Variants in DPP10 observed in about 807,000 individuals in gnomAD.
DPP10 encodes inactive dipeptidyl peptidase 10.
Under a neutral mutation model 120.9 loss-of-function variants are expected in DPP10, and 33 were observed. The observed-to-expected ratio is 0.27, with a 90% CI of 0.21 to 0.37. The LOEUF (loss-of-function observed/expected upper bound fraction) is 0.37. Ranked by LOEUF, DPP10 falls within the 10% of genes least tolerant of loss-of-function variation. DPP10 has a pLI of 1.00. For missense variants in DPP10, 816 were observed against 942.8 expected, an observed-to-expected ratio of 0.87 and a Z score of 1.76; for synonymous variants, 337 against 326.1, an observed-to-expected ratio of 1.03 and a Z score of -0.36.
At position 115,405,127 on chromosome 2, in the gene DPP10, G is replaced by A. The variant is rs551916476; in HGVS notation, c.271+61215G>A. Among the ~76,000 whole-genome samples, 4 of 152,202 alleles carry A rather than the reference G, an allele frequency of 2.6e-5. No individual in the cohort carries two copies. In the East Asian group the frequency reaches 7.7e-4, roughly 29 times the overall value. Reference sequence around the variant, plus strand: ...GTCCAAAGCTTCATCTGGGACTCAAGGCAAAGTCCTTCCAGCTATAAGCCT... The same window carrying A: ...GTCCAAAGCTTCATCTGGGACTCAAAGCAAAGTCCTTCCAGCTATAAGCCT... On this transcript the variant is annotated intron_variant, in intron 3 of 25. Transcript: ENST00000410059.
chr2:115,006,175 T>G (rs1200062119), intron 1 of DPP10, among the ~76,000 whole-genome samples: 14 of 151,996 alleles, frequency 9.2e-5, no homozygotes, highest in Admixed American at 3.9e-4. Flanking sequence ...GCTGAGAGAT[T>G]TTGTCACCAC....
At chr2:114,463,143 G>A (rs1245202272) in intron 1 of DPP10, among the ~76,000 whole-genome samples, 2 of 152,106 alleles carry the variant, frequency 1.3e-5, no homozygotes, top group African/African-American at 4.8e-5. Flanking sequence ...CCTCTCAGTG[G>A]ACAGAGCTAG....
At chr2:114,633,709 G>A (rs1010391242) in intron 1 of DPP10, among the ~76,000 whole-genome samples, 2 of 151,704 alleles carry the variant, frequency 1.3e-5, no homozygotes, top group African/African-American at 4.9e-5. Flanking sequence ...CGCCTCCTGA[G>A]TTGAAGCAAT....
intron 1 of DPP10, among the ~76,000 whole-genome samples, chr2:115,306,238 A>G (rs774895344): frequency 6.6e-6 from 1 of 151,996 alleles, no homozygotes; most frequent in Non-Finnish European, 1.5e-5. Context: ...GGCTTGCATA[A>G]CTAGGAGAAA....
Position 115,244,229 on chromosome 2 carries a change from TATATATATATAGAG to T in DPP10, c.61-65008_61-64995del, listed in dbSNP as rs1258526240. Among the ~76,000 whole-genome samples the T allele has an allele frequency of 6.0e-4, 23 of 38,256 alleles. 1 individual carries two copies. The highest frequency in any genetic ancestry group is 2.6e-3 in the African/African-American group (22 of 8,568). 25.1% of individuals were successfully genotyped at this position (38,256 alleles called of 152,430 possible). A position where few individuals can be genotyped will look rare whatever the true frequency, so the allele number is the denominator to read the frequency against. ...ATATATGTGTGTGTATATATATATA[TATATATATATAGAG>T]AGAGAGAGAGAGAGAGAGAGAGAGA... is the stretch of plus-strand genomic sequence containing the variant. On this transcript the variant is annotated intron_variant, in intron 1 of 25. Transcript: ENST00000410059.
chr2:114,788,086 T>A lies in DPP10; in HGVS notation c.60+345248T>A, dbSNP rs1365683794. 1.5e-4 allele frequency among the ~76,000 whole-genome samples: 23 copies of A among 152,126 alleles called. 1 individual carries two copies. Among genetic ancestry groups the A allele is most frequent in the Admixed American group, 1.5e-3 (23 of 15,256 alleles). The stretch of plus-strand genomic sequence containing the variant: ...AAGGTAGAAAGCCCTCCATATGTGT[T>A]TTCTATGTTCATATATACATATATG... On this transcript the variant is annotated intron_variant, in intron 1 of 25. Transcript: ENST00000410059.
chr2:115,818,975 C>G (rs770440077), intron 21 of DPP10, among the ~76,000 whole-genome samples: 9 of 152,176 alleles, frequency 5.9e-5, no homozygotes, highest in Non-Finnish European at 8.8e-5. Flanking sequence ...TAAAAGTTGA[C>G]TTTCTCACCA....
chr2:115,560,645 CCTT>C (rs2080588116), intron 5 of DPP10, among the ~76,000 whole-genome samples: 1 of 150,734 alleles, frequency 6.6e-6, no homozygotes, highest in Non-Finnish European at 1.5e-5. Context: ...GACAGGGTCT[CCTT>C]CTCTTGCCCA....
chr2:114,794,954 A>T (rs1269407584), intron 1 of DPP10, among the ~76,000 whole-genome samples: 5 of 152,228 alleles, frequency 3.3e-5, no homozygotes, highest in African/African-American at 1.2e-4. Flanking sequence ...ACTATTAATA[A>T]TCTAGAATTG....
chr2:115,371,640 C>T (rs997387934), intron 3 of DPP10, among the ~76,000 whole-genome samples: 1 of 151,912 alleles, frequency 6.6e-6, no homozygotes, highest in Non-Finnish European at 1.5e-5. Context: ...TTTTCTTTAG[C>T]ACAAACCCAA....
chr2:115,772,997 C>T (rs933628313), intron 13 of DPP10, among the ~76,000 whole-genome samples: 4 of 152,078 alleles, frequency 2.6e-5, no homozygotes, highest in South Asian at 2.1e-4. Context: ...TCACTTGGAA[C>T]GATTTTAAGT....
intron 1 of DPP10, among the ~76,000 whole-genome samples, chr2:114,501,564 G>T (rs1683184754): frequency 6.6e-6 from 1 of 152,148 alleles, no homozygotes; most frequent in South Asian, 2.1e-4. Flanking sequence ...TAGAGAGGCG[G>T]AGGAGTAACT....
intron 1 of DPP10, among the ~76,000 whole-genome samples, chr2:114,724,930 A>C (rs989162036): frequency 2.0e-5 from 3 of 152,206 alleles, no homozygotes; most frequent in Admixed American, 6.5e-5. Context: ...TTGCTATGCC[A>C]GCTGAGCTCT....
intron 1 of DPP10, among the ~76,000 whole-genome samples, chr2:115,085,757 T>C (rs1226260440): frequency 6.6e-6 from 1 of 152,208 alleles, no homozygotes; most frequent in Non-Finnish European, 1.5e-5. Flanking sequence ...CAAACTGTTT[T>C]ATAAAATATG....
chr2:115,678,695 C>G (rs2090448299), intron 5 of DPP10, among the ~76,000 whole-genome samples: 1 of 152,186 alleles, frequency 6.6e-6, no homozygotes, highest in Non-Finnish European at 1.5e-5. Context: ...CTCCAGACCC[C>G]AGAATGTTAC....
Position 114,524,439 on chromosome 2 carries a change from A to G in DPP10, c.60+81601A>G, listed in dbSNP as rs547428083. ...AAACTGATGTTTGAGCCTAAGCATT[A>G]AGAATGTTTTCCTGATAGGGAGCTA... is the stretch of plus-strand genomic sequence containing the variant. On this transcript the variant is annotated intron_variant, in intron 1 of 25. Transcript: ENST00000410059. 7.2e-5 allele frequency among the ~76,000 whole-genome samples: 11 copies of G among 152,360 alleles called. No homozygotes were observed. The East Asian group carries it at 2.1e-3, about 29-fold the overall frequency.
intron 7 of DPP10, among the ~76,000 whole-genome samples, chr2:115,702,773 T>G (rs994557135): frequency 2.6e-5 from 4 of 152,098 alleles, no homozygotes; most frequent in Non-Finnish European, 4.4e-5. Context: ...TAAAATTGAC[T>G]GTGATAATAG....
chr2:115,543,895 GTTAATT>G (rs2079331524), intron 5 of DPP10, among the ~76,000 whole-genome samples: 1 of 151,970 alleles, frequency 6.6e-6, no homozygotes, highest in African/African-American at 2.4e-5. Context: ...TAGTCATTGT[GTTAATT>G]TCAATGCTGC....
At chr2:114,449,609 C>G (rs567441556) in intron 1 of DPP10, among the ~76,000 whole-genome samples, 1 of 152,004 alleles carries the variant, frequency 6.6e-6, no homozygotes, top group Non-Finnish European at 1.5e-5. Flanking sequence ...CTCACTCTCC[C>G]TTTACCACAT....
Sources: allele counts gnomAD v4.1 joint callset (sites outside exome capture counted in the v4.1 genomes callset), GRCh38; gene constraint gnomAD v4.1.1; transcripts MANE v1.5; gene names NCBI Gene and HGNC (gene_info 2026-07-23, HGNC 2026-07-21).